Variants in TJP1 observed in about 807,000 individuals in gnomAD.
TJP1 encodes the protein tight junction protein ZO-1.
Under a neutral mutation model 194.2 loss-of-function variants are expected in TJP1, and 43 were observed. That is an observed-to-expected ratio of 0.22 (90% CI 0.17 to 0.29). The LOEUF is 0.29. Among genes scored for constraint, TJP1 ranks in the 10% least tolerant of loss-of-function variants. TJP1 has a pLI of 1.00. For missense variants in TJP1, 1,971 were observed against 2,185.7 expected, an observed-to-expected ratio of 0.90 and a Z score of 1.96; for synonymous variants, 801 against 779.0, an observed-to-expected ratio of 1.03 and a Z score of -0.47.
chr15:29,719,205 T>A, intron 20 of TJP1, 67 bp from the exon 21 acceptor site: 5 of 1,400,610 alleles, frequency 3.6e-6, no homozygotes, highest in Non-Finnish European at 4.8e-6. Flanking sequence ...TATTAGACTG[T>A]GATTAAATAT....
In TJP1 at chr15:29,916,560, A is replaced by G. The variant is rs115136302; in HGVS notation, c.306+39672T>C. ...ACAATAGAAAGCCAAAATGGAAACT[A>G]CCAGAGCTTCATGAATTTTAAAGCC... On this transcript the variant is annotated intron_variant, in intron 2 of 28. Coordinates refer to the TJP1 transcript ENST00000356107. Among the ~76,000 whole-genome samples, 373 of 152,310 alleles carry G rather than the reference A, an allele frequency of 2.4e-3. 2 individuals carry two copies. Among genetic ancestry groups the G allele is most frequent in the African/African-American group, 8.7e-3 (361 of 41,574 alleles).
intron 26 of TJP1, among the ~76,000 whole-genome samples, chr15:29,705,272 G>A (rs2041819314): frequency 6.6e-6 from 1 of 152,210 alleles, no homozygotes; most frequent in South Asian, 2.1e-4. Context: ...CTCAGCAGGT[G>A]AGACATCCCG....
chr15:29,853,401 A>G (rs2051721669), intron 2 of TJP1, among the ~76,000 whole-genome samples: 1 of 152,214 alleles, frequency 6.6e-6, no homozygotes, highest in South Asian at 2.1e-4. Context: ...CACAAATTCA[A>G]ATAAAACTGG....
chr15:29,931,036 C>G (rs184604387), intron 2 of TJP1, among the ~76,000 whole-genome samples: 191 of 152,182 alleles, frequency 1.3e-3, no homozygotes, highest in African/African-American at 4.4e-3. Context: ...TACTAATAGC[C>G]TCCTGTTGAC....
At chr15:29,820,404 G>C (rs1379290050) in intron 1 of TJP1, 1 of 644,626 alleles carries the variant, frequency 1.6e-6, no homozygotes, top group Non-Finnish European at 2.8e-6. Context: ...CTTTCAACTT[G>C]CCCTTTACTC....
intron 2 of TJP1, among the ~76,000 whole-genome samples, chr15:29,845,935 T>C (rs1212626626): frequency 1.3e-5 from 2 of 152,184 alleles, no homozygotes; most frequent in African/African-American, 2.4e-5. Flanking sequence ...TGGATTACCA[T>C]GAGCTTCTCA....
Position 29,859,949 on chromosome 15 carries a change from A to G in TJP1, c.307-59247T>C, listed in dbSNP as rs2052010481. ...CAGGATAAAAGTGAAAGAGGGGAGA[A>G]AAGGAAAAAGGAGGCCTTGTGCTGC... is the stretch of plus-strand genomic sequence containing the variant. On this transcript the variant is annotated intron_variant, in intron 2 of 28. Coordinates refer to the TJP1 transcript ENST00000356107. Among the ~76,000 whole-genome samples the G allele has an allele frequency of 2.0e-5, 3 of 152,146 alleles. No individual in the cohort carries two copies. The South Asian group carries it at 6.2e-4, about 32-fold the overall frequency.
chr15:29,727,212 T>A (rs536565136), intron 16 of TJP1, among the ~76,000 whole-genome samples: 136 of 152,076 alleles, frequency 8.9e-4, no homozygotes, highest in Non-Finnish European at 1.7e-3. Flanking sequence ...GGCATGGTGG[T>A]GCACGCCTGT....
At chr15:29,756,833 C>T (rs568084676) in intron 8 of TJP1, among the ~76,000 whole-genome samples, 104 of 152,254 alleles carry the variant, frequency 6.8e-4, no homozygotes, top group African/African-American at 2.4e-3. Flanking sequence ...AACAACATAA[C>T]CCTGGACTTT....
chr15:29,810,981 C>G (rs143918074), intron 1 of TJP1, among the ~76,000 whole-genome samples: 1 of 151,910 alleles, frequency 6.6e-6, no homozygotes, highest in African/African-American at 2.4e-5. Context: ...ACCAAATGAT[C>G]GAAAAACTCC....
chr15:29,703,424 C>T lies in TJP1; in HGVS notation c.5212+738G>A, dbSNP rs45532632. Among the ~76,000 whole-genome samples, 156 of 151,618 alleles carry T rather than the reference C, an allele frequency of 1.0e-3. 4 individuals are homozygous for T. Among genetic ancestry groups the T allele is most frequent in the Admixed American group, 8.2e-3 (125 of 15,214 alleles). On this transcript the variant is annotated intron_variant, in intron 27 of 27. Transcript: ENST00000614355. ...CCGCATTCCAGCCTGGGCGACAGAG[C>T]GAGACTCCACCTCAAAAAACCAAAT...
intron 2 of TJP1, among the ~76,000 whole-genome samples, chr15:29,879,501 A>G (rs986854163): frequency 3.9e-5 from 6 of 152,170 alleles, no homozygotes; most frequent in Non-Finnish European, 8.8e-5. Flanking sequence ...TCTTAGGTTT[A>G]TATTTCTAAG....
intron 2 of TJP1, among the ~76,000 whole-genome samples, chr15:29,893,102 C>A (rs527709896): frequency 6.6e-6 from 1 of 152,170 alleles, no homozygotes; most frequent in Non-Finnish European, 1.5e-5. Context: ...TGATTCCAAC[C>A]CTCATAGATG....
intron 2 of TJP1, among the ~76,000 whole-genome samples, chr15:29,842,616 C>G (rs537629344): frequency 6.6e-6 from 1 of 152,082 alleles, no homozygotes; most frequent in African/African-American, 2.4e-5. Flanking sequence ...AGTGGCCCCG[C>G]GCCAGGAATT....
In TJP1 at chr15:29,958,432, T is replaced by C. The variant is rs368209873; in HGVS notation, c.174-2068A>G. On this transcript the variant is annotated intron_variant, in intron 1 of 28. Transcript: ENST00000356107. ...CAAATTTATTGTTTTTACTCATATG[T>C]TTAGATCTATTCCTGCCATCTTGTT... Among the ~76,000 whole-genome samples the C allele has an allele frequency of 2.6e-4, 40 of 152,290 alleles. 1 individual carries two copies. The South Asian group carries it at 8.1e-3, about 31-fold the overall frequency.
chr15:29,784,457 G>A (rs2047570691), intron 2 of TJP1, among the ~76,000 whole-genome samples: 1 of 152,042 alleles, frequency 6.6e-6, no homozygotes, highest in Non-Finnish European at 1.5e-5. Flanking sequence ...CCACCACCAA[G>A]CCTGGCTAAT....
chr15:29,921,969 C>G (rs931503895), intron 2 of TJP1, among the ~76,000 whole-genome samples: 7 of 151,870 alleles, frequency 4.6e-5, no homozygotes, highest in Non-Finnish European at 8.8e-5. Context: ...CTGAGCCTCC[C>G]GAGTAGCTGG....
intron 2 of TJP1, among the ~76,000 whole-genome samples, chr15:29,883,521 C>A (rs2152138213): frequency 6.6e-6 from 1 of 152,172 alleles, no homozygotes; most frequent in South Asian, 2.1e-4. Context: ...CTCACAGCAA[C>A]CATTTCCCTA....
At chr15:29,858,056 C>A (rs2051928547) in intron 2 of TJP1, among the ~76,000 whole-genome samples, 1 of 152,186 alleles carries the variant, frequency 6.6e-6, no homozygotes, top group Non-Finnish European at 1.5e-5. Context: ...AGCCACCGCA[C>A]CCAGCCTAAA....
Sources: allele counts gnomAD v4.1 joint callset (sites outside exome capture counted in the v4.1 genomes callset), GRCh38; gene constraint gnomAD v4.1.1; transcripts MANE v1.5; gene names NCBI Gene and HGNC (gene_info 2026-07-23, HGNC 2026-07-21).